RBFOX1: variants seen among roughly 807,000 people sequenced by gnomAD.
The protein encoded by RBFOX1 is RNA binding protein fox-1 homolog 1.
In RBFOX1, 8 loss-of-function variants were observed where a neutral mutation model predicts 57.7. The ratio of observed to expected loss-of-function variants is 0.14; its 90% confidence interval spans 0.08 to 0.25. RBFOX1 has a LOEUF of 0.25. Among genes scored for constraint, RBFOX1 ranks in the 10% least tolerant of loss-of-function variants. RBFOX1 has a pLI of 1.00. For missense variants in RBFOX1, 611 were observed against 548.5 expected, an observed-to-expected ratio of 1.11 and a Z score of -1.14; for synonymous variants, 326 against 222.4, an observed-to-expected ratio of 1.47 and a Z score of -4.15.
intron 1 of RBFOX1, among the ~76,000 whole-genome samples, chr16:5,380,158 T>C (rs2066095210): frequency 6.6e-6 from 1 of 152,242 alleles, no homozygotes; most frequent in Non-Finnish European, 1.5e-5. Context: ...GCAGAGGCTC[T>C]GATGACAGCA....
intron 3 of RBFOX1, among the ~76,000 whole-genome samples, chr16:6,714,644 A>G (rs2064403228): frequency 6.6e-6 from 1 of 152,208 alleles, no homozygotes; most frequent in Non-Finnish European, 1.5e-5. Flanking sequence ...TGAACATATT[A>G]CAGCCAGGTC....
intron 2 of RBFOX1, among the ~76,000 whole-genome samples, chr16:5,496,998 A>AT (rs1336104356): frequency 4.0e-5 from 6 of 151,888 alleles, no homozygotes; most frequent in South Asian, 2.1e-4. Context: ...GTTAAAAAGA[A>AT]TTTTTTTTTC....
intron 14 of RBFOX1, among the ~76,000 whole-genome samples, chr16:7,683,573 C>T (rs572551070): frequency 5.3e-5 from 8 of 152,080 alleles, no homozygotes; most frequent in Admixed American, 4.6e-4. Context: ...GCTGTCACAG[C>T]CACGTGGGTA....
At chr16:7,050,440 A>G (rs1382770880) in intron 3 of RBFOX1, among the ~76,000 whole-genome samples, 2 of 151,640 alleles carry the variant, frequency 1.3e-5, no homozygotes, top group South Asian at 2.1e-4. Context: ...TAATTTTTGT[A>G]TTTTTAGTAG....
intron 4 of RBFOX1, among the ~76,000 whole-genome samples, chr16:7,131,736 T>A (rs2070467671): frequency 6.6e-6 from 1 of 152,010 alleles, no homozygotes; most frequent in African/African-American, 2.4e-5. Flanking sequence ...CAGAGGCTCT[T>A]GTACAAATTG....
intron 4 of RBFOX1, among the ~76,000 whole-genome samples, chr16:7,360,957 C>G (rs964035477): frequency 1.3e-5 from 2 of 152,156 alleles, no homozygotes; most frequent in Non-Finnish European, 2.9e-5. Flanking sequence ...TTCTTTCATT[C>G]CAAAGGCAAC....
intron 4 of RBFOX1, among the ~76,000 whole-genome samples, chr16:5,894,068 A>G (rs571227544): frequency 3.3e-5 from 5 of 151,948 alleles, no homozygotes; most frequent in Non-Finnish European, 5.9e-5. Context: ...TGGCCTGGCA[A>G]ATGGTCATGG....
chr16:5,707,327 G>T (rs1480953906), intron 3 of RBFOX1, among the ~76,000 whole-genome samples: 1 of 152,212 alleles, frequency 6.6e-6, no homozygotes, highest in Non-Finnish European at 1.5e-5. Flanking sequence ...TGCTTCTGCT[G>T]TGTTTGATTT....
chr16:7,179,605 T>TA (rs2082305564), intron 4 of RBFOX1, among the ~76,000 whole-genome samples: 1 of 145,424 alleles, frequency 6.9e-6, no homozygotes, highest in Admixed American at 6.8e-5. Flanking sequence ...CTTTTTTTTT[T>TA]ATATATTAAA....
chr16:5,626,592 C>T (rs768292915), intron 3 of RBFOX1, among the ~76,000 whole-genome samples: 2 of 152,184 alleles, frequency 1.3e-5, no homozygotes, highest in African/African-American at 2.4e-5. Context: ...GTTCCTTCCT[C>T]TCCAAAATCC....
intron 1 of RBFOX1, among the ~76,000 whole-genome samples, chr16:5,420,823 A>C (rs917497946): frequency 6.6e-6 from 1 of 151,412 alleles, no homozygotes; most frequent in East Asian, 2.0e-4. Flanking sequence ...GGCATGAGCC[A>C]CCATGCCCAG....
At chr16:7,370,687 T>C (rs1399970869) in intron 4 of RBFOX1, among the ~76,000 whole-genome samples, 1 of 152,250 alleles carries the variant, frequency 6.6e-6, no homozygotes, top group Non-Finnish European at 1.5e-5. Flanking sequence ...CTAGTTCATA[T>C]TGAATTTGAA....
At chr16:6,572,015 G>C (rs112320494) in intron 2 of RBFOX1, among the ~76,000 whole-genome samples, 78 of 152,072 alleles carry the variant, frequency 5.1e-4, no homozygotes, top group African/African-American at 1.8e-3. Flanking sequence ...CCTTTACATG[G>C]CCTGTATAAG....
intron 2 of RBFOX1, among the ~76,000 whole-genome samples, chr16:6,407,874 A>G (rs2093340830): frequency 1.3e-5 from 2 of 152,100 alleles, no homozygotes; most frequent in South Asian, 4.1e-4. Flanking sequence ...GATCCCCACT[A>G]TGTTCTGAAT....
At chr16:6,842,269 T>C (rs1168895953) in intron 3 of RBFOX1, among the ~76,000 whole-genome samples, 2 of 152,122 alleles carry the variant, frequency 1.3e-5, no homozygotes, top group African/African-American at 4.8e-5. Flanking sequence ...GGCATATATT[T>C]TTCTGTAAGG....
intron 4 of RBFOX1, among the ~76,000 whole-genome samples, chr16:7,509,653 T>G (rs2074452862): frequency 6.6e-6 from 1 of 152,204 alleles, no homozygotes; most frequent in Non-Finnish European, 1.5e-5. Flanking sequence ...AAGATCGATT[T>G]GCAGTTAACC....
intron 1 of RBFOX1, among the ~76,000 whole-genome samples, chr16:6,076,481 T>G (rs534383370): frequency 2.0e-5 from 3 of 152,064 alleles, no homozygotes; most frequent in African/African-American, 7.2e-5. Context: ...GTTTTTTTGT[T>G]TTTTGAGTTA....
At chr16:5,500,083 T>C (rs1189138696) in intron 2 of RBFOX1, among the ~76,000 whole-genome samples, 1 of 151,522 alleles carries the variant, frequency 6.6e-6, no homozygotes, top group Non-Finnish European at 1.5e-5. Flanking sequence ...CCTGCCTTCC[T>C]GCCTTCCCTC....
At chr16:6,906,347 T>G (rs142383966) in intron 3 of RBFOX1, among the ~76,000 whole-genome samples, 4 of 152,198 alleles carry the variant, frequency 2.6e-5, no homozygotes, top group African/African-American at 9.6e-5. Flanking sequence ...CACTACCTAA[T>G]GATTGTTGAA....
Sources: gnomAD v4.1 joint callset for allele counts (sites outside exome capture counted in the v4.1 genomes callset) on GRCh38, gnomAD v4.1.1 for gene constraint, MANE v1.5 for transcripts, NCBI Gene and HGNC (gene_info 2026-07-23, HGNC 2026-07-21) for gene names.